The following ARL15 variants were observed in gnomAD, a reference collection of about 807,000 sequenced individuals.
ARL15 encodes the protein ADP-ribosylation factor-like protein 15.
A neutral mutation model predicts 25.2 loss-of-function variants in ARL15; 19 were observed. The observed-to-expected ratio is 0.75, with a 90% confidence interval of 0.53 to 1.10. The LOEUF (loss-of-function observed/expected upper bound fraction) is 1.10. Ranked by LOEUF, ARL15 falls within the 50% of genes least tolerant of loss-of-function variation. The probability of loss-of-function intolerance (pLI) is 0.00; values close to 1 mark genes in which losing one functional copy is unlikely to be tolerated. For missense variants in ARL15, 220 were observed against 246.0 expected (o/e 0.89, Z 0.71); for synonymous variants, 94 against 86.8 (o/e 1.08, Z -0.46).
At chr5:54,063,859 A>G (rs1204708001) in intron 4 of ARL15, among the ~76,000 whole-genome samples, 1 of 152,188 alleles carries the variant, frequency 6.6e-6, no homozygotes, top group African/African-American at 2.4e-5. Flanking sequence ...TATGGCCATT[A>G]GCAGCGCCTA....
At chr5:54,167,601 TC>T (rs1440891480) in intron 2 of ARL15, among the ~76,000 whole-genome samples, 2 of 150,746 alleles carry the variant, frequency 1.3e-5, no homozygotes, top group Non-Finnish European at 3.0e-5. Context: ...GAACAAGAAG[TC>T]CTCACTCATC....
chr5:54,179,291 G>C (rs1326977743), intron 1 of ARL15, among the ~76,000 whole-genome samples: 2 of 152,154 alleles, frequency 1.3e-5, no homozygotes, highest in African/African-American at 2.4e-5. Flanking sequence ...TTCCACTCCA[G>C]AGCCCTAGTT....
chr5:54,152,249 A>C (rs1315794921), intron 3 of ARL15, among the ~76,000 whole-genome samples: 1 of 152,142 alleles, frequency 6.6e-6, no homozygotes, highest in Non-Finnish European at 1.5e-5. Flanking sequence ...GATTTCAGCC[A>C]GTCATAATTC....
intron 3 of ARL15, among the ~76,000 whole-genome samples, chr5:54,124,556 A>G (rs1481735847): frequency 6.6e-6 from 1 of 152,216 alleles, no homozygotes; most frequent in Non-Finnish European, 1.5e-5. Context: ...TGAGGATTTT[A>G]CTACAAACCT....
chr5:54,230,231 C>T (rs990225077), intron 1 of ARL15, among the ~76,000 whole-genome samples: 1 of 151,460 alleles, frequency 6.6e-6, no homozygotes, highest in Non-Finnish European at 1.5e-5. Context: ...CCTGTAGTCC[C>T]AGCTACTTGG....
At chr5:54,141,271 T>C (rs188368928) in intron 3 of ARL15, among the ~76,000 whole-genome samples, 1 of 152,308 alleles carries the variant, frequency 6.6e-6, no homozygotes, top group East Asian at 1.9e-4. Context: ...ATCTTAGAGT[T>C]TGAAGTGCTT....
intron 4 of ARL15, among the ~76,000 whole-genome samples, chr5:53,889,944 C>T (rs537139612): frequency 1.5e-3 from 225 of 151,884 alleles, no homozygotes; most frequent in African/African-American, 5.2e-3. Flanking sequence ...TCCCACGGAG[C>T]GGAGATTACA....
At chr5:54,138,209 A>G (rs1258782982) in intron 3 of ARL15, among the ~76,000 whole-genome samples, 1 of 152,142 alleles carries the variant, frequency 6.6e-6, no homozygotes, top group African/African-American at 2.4e-5. Flanking sequence ...ATCCAGGTAC[A>G]GTGGCTCATG....
intron 2 of ARL15, among the ~76,000 whole-genome samples, chr5:54,167,843 C>T (rs1443051014): frequency 1.3e-5 from 2 of 152,108 alleles, no homozygotes; most frequent in Non-Finnish European, 2.9e-5. Flanking sequence ...TGCTCTTCAT[C>T]CCCTCAATTC....
chr5:53,970,912 A>G (rs1171921363), intron 4 of ARL15, among the ~76,000 whole-genome samples: 1 of 152,242 alleles, frequency 6.6e-6, no homozygotes, highest in Non-Finnish European at 1.5e-5. Context: ...AAACTAATCA[A>G]TCAGATCAAG....
intron 3 of ARL15, among the ~76,000 whole-genome samples, chr5:54,148,290 A>C (rs965361838): frequency 6.6e-6 from 1 of 152,200 alleles, no homozygotes; most frequent in Non-Finnish European, 1.5e-5. Flanking sequence ...ACAAACAAAC[A>C]GCACCTTTCA....
At chr5:53,898,372 G>C (rs1424337787) in intron 4 of ARL15, among the ~76,000 whole-genome samples, 1 of 152,130 alleles carries the variant, frequency 6.6e-6, no homozygotes, top group Non-Finnish European at 1.5e-5. Flanking sequence ...TTTTTGGAAT[G>C]GTTTGAGAAT....
chr5:54,015,305 A>C (rs1474306413), intron 4 of ARL15, among the ~76,000 whole-genome samples: 1 of 147,690 alleles, frequency 6.8e-6, no homozygotes, highest in Non-Finnish European at 1.5e-5. Flanking sequence ...AAAAAAAAAA[A>C]CAAAAACAAA....
At chr5:53,964,092 T>TC (rs1747464129) in intron 4 of ARL15, among the ~76,000 whole-genome samples, 1 of 152,104 alleles carries the variant, frequency 6.6e-6, no homozygotes, top group Admixed American at 6.6e-5. Context: ...GAAGCCTTTT[T>TC]CCCCAAGGAG....
At chr5:54,004,260 T>C (rs9688218) in intron 4 of ARL15, among the ~76,000 whole-genome samples, 41,764 of 151,796 alleles carry the variant, frequency 0.28, 5,924 homozygotes, top group East Asian at 0.45. Flanking sequence ...TTTGGGAGGC[T>C]GAGGCAGGCA....
Position 54,052,779 on chromosome 5 carries a change from C to T in ARL15, c.462+60423G>A, listed in dbSNP as rs373385775. Among the ~76,000 whole-genome samples, 6 of 152,166 alleles carry T rather than the reference C, an allele frequency of 3.9e-5. No individual in the cohort carries two copies. The South Asian group carries it at 8.3e-4, about 21-fold the overall frequency. On this transcript the variant is annotated intron_variant, in intron 4 of 4. Transcript: ENST00000504924. Reference sequence around the variant, plus strand: ...TGCACACGTGCACACACAGAGTTCGCTCTATCAGCTGAGGTCTAGAAGCAA... The same window carrying T: ...TGCACACGTGCACACACAGAGTTCGTTCTATCAGCTGAGGTCTAGAAGCAA...
chr5:54,092,864 G>A (rs948973510), intron 4 of ARL15, among the ~76,000 whole-genome samples: 3 of 152,132 alleles, frequency 2.0e-5, no homozygotes, highest in African/African-American at 7.2e-5. Context: ...AATAGGAAAA[G>A]AAGACCCAAA....
chr5:54,242,061 T>C (rs1001306976), intron 1 of ARL15, among the ~76,000 whole-genome samples: 3 of 152,116 alleles, frequency 2.0e-5, no homozygotes, highest in Admixed American at 1.3e-4. Context: ...CAATTCACGG[T>C]GTCCTTACCT....
rs545609722 is a variant in ARL15, at chr5:54,109,088, A to G, written c.462+4114T>C. Among the ~76,000 whole-genome samples the G allele has an allele frequency of 3.9e-5, 6 of 152,166 alleles. No individual in the cohort carries two copies. In the East Asian group the frequency reaches 1.2e-3, roughly 29 times the overall value. On this transcript the variant is annotated intron_variant, in intron 4 of 4. Coordinates refer to ENST00000504924, the MANE Select transcript of ARL15 (RefSeq NM_019087.3). ...AAGTTCTATGCATGTCATAATAACA[A>G]ACTGAATTAAAATTGCATAAAAATT...
Sources: gnomAD v4.1 joint callset for allele counts (sites outside exome capture counted in the v4.1 genomes callset) on GRCh38, gnomAD v4.1.1 for gene constraint, MANE v1.5 for transcripts, NCBI Gene and HGNC (gene_info 2026-07-23, HGNC 2026-07-21) for gene names.